TJP1: variants seen among roughly 807,000 people sequenced by gnomAD.
TJP1 encodes the protein tight junction protein 1.
A neutral mutation model predicts 194.2 loss-of-function variants in TJP1; 43 were observed. The ratio of observed to expected loss-of-function variants is 0.22; its 90% CI spans 0.17 to 0.29. The LOEUF is 0.29. TJP1 is among the 10% of genes least tolerant of loss of function. TJP1 has a pLI of 1.00. For missense variants in TJP1, 1,971 were observed against 2,185.7 expected (o/e 0.90, Z 1.96); for synonymous variants, 801 against 779.0 (o/e 1.03, Z -0.47).
At chr15:29,734,450 C>A in intron 11 of TJP1, 68 bp from the exon 12 acceptor site, 4 of 1,088,878 alleles carry the variant, frequency 3.7e-6, no homozygotes, top group Admixed American at 2.2e-5. Context: ...ACGCAGGACA[C>A]AGATACTCTC....
At chr15:29,827,221 T>G (rs568448579), upstream of TJP1, among the ~76,000 whole-genome samples, 11 of 152,300 alleles carry the variant, frequency 7.2e-5, no homozygotes, top group East Asian at 2.1e-3. Context: ...TAAGGATCCT[T>G]GGTGGTTACC....
At chr15:29,859,643 G>T (rs527990202) in intron 2 of TJP1, among the ~76,000 whole-genome samples, 67 of 152,204 alleles carry the variant, frequency 4.4e-4, no homozygotes, top group African/African-American at 1.6e-3. Context: ...TCTGGGTTGG[G>T]GAGTGGCTGG....
intron 2 of TJP1, among the ~76,000 whole-genome samples, chr15:29,859,139 G>A (rs1031855776): frequency 1.3e-5 from 2 of 152,102 alleles, no homozygotes; most frequent in African/African-American, 4.8e-5. Context: ...GAAAAAGTAT[G>A]TTATTTTGTT....
intron 2 of TJP1, among the ~76,000 whole-genome samples, chr15:29,948,251 A>G (rs12905868): frequency 0.19 from 26,411 of 138,580 alleles, 3,193 homozygotes; most frequent in East Asian, 0.5. Flanking sequence ...ACAGAGCAAC[A>G]CTCCATCACA....
At chr15:29,771,973 C>T (rs1334125404) in intron 4 of TJP1, 91 bp downstream of exon 4, 2 of 794,216 alleles carry the variant, frequency 2.5e-6, no homozygotes, top group African/African-American at 3.5e-5. Flanking sequence ...TTTCAGTTTT[C>T]CTTAAATGGG....
At chr15:29,869,445 G>A (rs2052417581) in intron 2 of TJP1, among the ~76,000 whole-genome samples, 2 of 152,134 alleles carry the variant, frequency 1.3e-5, no homozygotes, top group East Asian at 3.8e-4. Flanking sequence ...TGGGAGATTT[G>A]GCAGTGTTTA....
intron 2 of TJP1, among the ~76,000 whole-genome samples, chr15:29,887,828 C>T (rs1175845075): frequency 6.6e-6 from 1 of 152,158 alleles, no homozygotes; most frequent in Non-Finnish European, 1.5e-5. Flanking sequence ...AGTGCTATAA[C>T]ATTTGTATAA....
chr15:29,849,146 T>C (rs988198818), intron 2 of TJP1, among the ~76,000 whole-genome samples: 2 of 152,134 alleles, frequency 1.3e-5, no homozygotes, highest in Non-Finnish European at 1.5e-5. Flanking sequence ...GTTGAATAAC[T>C]AGTAGGCTTG....
At chr15:29,829,642 A>G (rs1432661374) in intron 2 of TJP1, among the ~76,000 whole-genome samples, 1 of 152,052 alleles carries the variant, frequency 6.6e-6, no homozygotes. Context: ...AAAAAGAAAA[A>G]AAAAAAAAAA....
At chr15:29,707,611 G>A (rs2041979564) in intron 25 of TJP1, among the ~76,000 whole-genome samples, 1 of 152,156 alleles carries the variant, frequency 6.6e-6, no homozygotes, top group Non-Finnish European at 1.5e-5. Flanking sequence ...GCTGTAGGAG[G>A]CTGAGATGAG....
chr15:29,706,069 C>G (rs2041878417), intron 25 of TJP1, among the ~76,000 whole-genome samples: 1 of 152,204 alleles, frequency 6.6e-6, no homozygotes, highest in Admixed American at 6.5e-5. Flanking sequence ...GTAGCTGGGA[C>G]TACAGGCGCA....
intron 2 of TJP1, among the ~76,000 whole-genome samples, chr15:29,938,657 C>T (rs2054963205): frequency 6.6e-6 from 1 of 152,232 alleles, no homozygotes; most frequent in Non-Finnish European, 1.5e-5. Context: ...GAAATTTCCA[C>T]TCTGCCCTAA....
chr15:29,901,280 G>C (rs1037151144), intron 2 of TJP1, among the ~76,000 whole-genome samples: 43 of 152,192 alleles, frequency 2.8e-4, no homozygotes, highest in Non-Finnish European at 3.1e-4. Flanking sequence ...ACAGTTTCTT[G>C]TAAATATTCT....
rs778564641 is a variant in TJP1, at chr15:29,727,904, C to T, written c.2100+33G>A. 3.8e-6 allele frequency: 6 copies of T among 1,588,398 alleles called. No homozygotes were observed. The South Asian group carries it at 6.7e-5, about 18-fold the overall frequency. On this transcript the variant is annotated intron_variant, in intron 16 of 27. Transcript: ENST00000614355. ...CCCATCCCACTCAAAACCACAATAA[C>T]ATAATGAAATGGGTCAAGTTTTAAT...
chr15:29,717,628 G>A (rs2042646839), intron 22 of TJP1, among the ~76,000 whole-genome samples: 2 of 152,334 alleles, frequency 1.3e-5, no homozygotes, highest in South Asian at 4.1e-4. Flanking sequence ...AGCACCTTAT[G>A]CATGCTCACT....
intron 2 of TJP1, among the ~76,000 whole-genome samples, chr15:29,872,215 G>T (rs1443586662): frequency 6.6e-6 from 1 of 152,190 alleles, no homozygotes; most frequent in African/African-American, 2.4e-5. Flanking sequence ...CTAGTATGCT[G>T]TAGGGTTAGA....
At chr15:29,968,782 G>C (rs1350111523) in exon 1 of TJP1, 4 of 1,217,798 alleles carry the variant, frequency 3.3e-6, no homozygotes, top group East Asian at 8.0e-5. Context: ...CTCCGCTCGC[G>C]GGCAGGGCCC....
At chr15:29,719,205 T>G in intron 20 of TJP1, 67 bp from the exon 21 acceptor site, 12 of 1,400,228 alleles carry the variant, frequency 8.6e-6, no homozygotes, top group South Asian at 2.8e-5. Context: ...TATTAGACTG[T>G]GATTAAATAT....
At chr15:29,854,827 T>C (rs1311959085) in intron 2 of TJP1, among the ~76,000 whole-genome samples, 1 of 151,956 alleles carries the variant, frequency 6.6e-6, no homozygotes, top group Admixed American at 6.6e-5. Context: ...TATGTAACCA[T>C]GAGACCTTCA....
Sources: gnomAD v4.1 joint callset for allele counts (sites outside exome capture counted in the v4.1 genomes callset) on GRCh38, gnomAD v4.1.1 for gene constraint, MANE v1.5 for transcripts, NCBI Gene and HGNC (gene_info 2026-07-23, HGNC 2026-07-21) for gene names.